The following RANBP17 variants were observed in gnomAD, a reference collection of about 807,000 sequenced individuals.
RANBP17 encodes the protein ran-binding protein 17.
A neutral mutation model predicts 141.2 loss-of-function variants in RANBP17; 158 were observed. The ratio of observed to expected loss-of-function variants is 1.12; its 90% CI spans 0.98 to 1.28. RANBP17 has a LOEUF of 1.28. Ranked by LOEUF, RANBP17 falls within the 50% of genes most tolerant of loss-of-function variation. RANBP17 has a pLI of 0.00. For synonymous variants in RANBP17, 430 were observed against 450.0 expected, an observed-to-expected ratio of 0.96 and a Z score of 0.56; for missense variants, 1,438 against 1,290.7, an observed-to-expected ratio of 1.11 and a Z score of -1.75.
At chr5:170,944,059 T>C (rs1298356753) in intron 12 of RANBP17, among the ~76,000 whole-genome samples, 3 of 152,180 alleles carry the variant, frequency 2.0e-5, no homozygotes, top group Non-Finnish European at 4.4e-5. Flanking sequence ...TGTTCCTATG[T>C]ATTCTACCTT....
intron 14 of RANBP17, among the ~76,000 whole-genome samples, chr5:171,101,761 C>T (rs1670184667): frequency 6.6e-6 from 1 of 152,108 alleles, no homozygotes; most frequent in Non-Finnish European, 1.5e-5. Flanking sequence ...TTAGTGTTTC[C>T]TTCAGGAGTT....
intron 14 of RANBP17, among the ~76,000 whole-genome samples, chr5:170,970,331 A>G (rs1412498902): frequency 6.6e-6 from 1 of 151,986 alleles, no homozygotes. Flanking sequence ...ATTTTGTACC[A>G]GGAACTGTGC....
chr5:171,254,881 A>G (rs2128007856), intron 24 of RANBP17, among the ~76,000 whole-genome samples: 1 of 152,348 alleles, frequency 6.6e-6, no homozygotes, highest in Admixed American at 6.5e-5. Flanking sequence ...ACAAACAACA[A>G]AAAGGAATGT....
At chr5:170,896,019 C>G (rs768144032) in intron 4 of RANBP17, 31 bp from the exon 5 acceptor site, 1 of 1,454,040 alleles carries the variant, frequency 6.9e-7, no homozygotes, top group Non-Finnish European at 9.4e-7. Context: ...CTTGTCTCCA[C>G]TTAGGCTAAA....
chr5:171,083,817 C>A (rs1581589350), intron 14 of RANBP17, among the ~76,000 whole-genome samples: 1 of 152,050 alleles, frequency 6.6e-6, no homozygotes, highest in Non-Finnish European at 1.5e-5. Flanking sequence ...GGGGGAGTTT[C>A]CTTACATAAG....
chr5:171,276,711 C>G (rs1235343629), intron 25 of RANBP17, among the ~76,000 whole-genome samples: 1 of 152,082 alleles, frequency 6.6e-6, no homozygotes, highest in Non-Finnish European at 1.5e-5. Context: ...TGCTCACATT[C>G]ATGTAAAGCA....
chr5:171,121,892 A>G (rs533826083), intron 14 of RANBP17, among the ~76,000 whole-genome samples: 1 of 152,300 alleles, frequency 6.6e-6, no homozygotes, highest in South Asian at 2.1e-4. Flanking sequence ...GCACTGTGCT[A>G]CAGCAGCGTG....
At chr5:171,213,958 A>G (rs553993684) in intron 21 of RANBP17, among the ~76,000 whole-genome samples, 1 of 152,320 alleles carries the variant, frequency 6.6e-6, no homozygotes, top group South Asian at 2.1e-4. Flanking sequence ...GACTAGGGAA[A>G]TGGAAAATAA....
chr5:171,075,251 A>G (rs1729525655), intron 14 of RANBP17, among the ~76,000 whole-genome samples: 1 of 152,226 alleles, frequency 6.6e-6, no homozygotes, highest in South Asian at 2.1e-4. Context: ...ATAATAGGAA[A>G]AACTCAGAGA....
chr5:171,242,928 A>C, intron 24 of RANBP17, 108 bp downstream of exon 24: 1 of 987,848 alleles, frequency 1.0e-6, no homozygotes, highest in Non-Finnish European at 1.5e-6. Context: ...AGATATTGTG[A>C]ACCCAAACTG....
rs1289987817 is a variant in RANBP17, at chr5:170,896,126, C to T, written c.489+11C>T. 1.3e-6 allele frequency: 2 copies of T among 1,586,826 alleles called. No homozygotes were observed. Among genetic ancestry groups the T allele is most frequent in the African/African-American group, 2.7e-5 (2 of 73,868 alleles). ...CAGGAAATGAACCTGGTAAGCGAGC[C>T]TTTCCATCTAACAGGAGCCTGAGTT... On this transcript the variant is annotated intron_variant, in intron 5 of 27. Coordinates refer to ENST00000523189, the MANE Select transcript of RANBP17 (RefSeq NM_022897.5).
At chr5:171,268,183 C>T (rs1229898198) in intron 25 of RANBP17, among the ~76,000 whole-genome samples, 1 of 152,134 alleles carries the variant, frequency 6.6e-6, no homozygotes, top group Non-Finnish European at 1.5e-5. Context: ...AATTTCTTGC[C>T]ATGGGACAAA....
intron 14 of RANBP17, among the ~76,000 whole-genome samples, chr5:171,167,655 G>A (rs957971276): frequency 6.6e-6 from 1 of 152,004 alleles, no homozygotes; most frequent in Non-Finnish European, 1.5e-5. Flanking sequence ...TTAAACAAAC[G>A]TGCCTTTTAA....
intron 14 of RANBP17, among the ~76,000 whole-genome samples, chr5:171,036,329 A>G (rs1175010281): frequency 6.6e-6 from 1 of 152,126 alleles, no homozygotes; most frequent in East Asian, 1.9e-4. Context: ...AATGGCCTCC[A>G]TCTGCATCCA....
intron 24 of RANBP17, chr5:171,252,755 G>A (rs1765653903): frequency 7.3e-7 from 1 of 1,366,274 alleles, no homozygotes; most frequent in East Asian, 2.3e-5. Flanking sequence ...CTTATTTGTA[G>A]ACTTGCTTCA....
intron 14 of RANBP17, among the ~76,000 whole-genome samples, chr5:171,149,430 T>C (rs1444649807): frequency 6.6e-6 from 1 of 152,242 alleles, no homozygotes; most frequent in East Asian, 1.9e-4. Flanking sequence ...CTTACCGTAT[T>C]TCACTTACTG....
chr5:171,061,113 C>T (rs1783810820), intron 14 of RANBP17, among the ~76,000 whole-genome samples: 4 of 152,070 alleles, frequency 2.6e-5, no homozygotes, highest in Non-Finnish European at 5.9e-5. Flanking sequence ...AAAAAACCAG[C>T]TCCTGGATTC....
intron 13 of RANBP17, among the ~76,000 whole-genome samples, chr5:170,964,472 G>A (rs540060774): frequency 6.6e-6 from 1 of 152,048 alleles, no homozygotes; most frequent in African/African-American, 2.4e-5. Context: ...ATGTATACAT[G>A]TACCATGCTG....
chr5:171,064,158 C>T (rs181715243), intron 14 of RANBP17, among the ~76,000 whole-genome samples: 18 of 152,352 alleles, frequency 1.2e-4, no homozygotes, highest in Admixed American at 1.0e-3. Flanking sequence ...ACACACGGTG[C>T]GCTGCACCCA....
Sources: gnomAD v4.1 joint callset for allele counts (sites outside exome capture counted in the v4.1 genomes callset) on GRCh38, gnomAD v4.1.1 for gene constraint, MANE v1.5 for transcripts, NCBI Gene and HGNC (gene_info 2026-07-23, HGNC 2026-07-21) for gene names.